UNC13C: variants seen among roughly 807,000 people sequenced by gnomAD.
The protein encoded by UNC13C is unc-13 homolog C, also known as protein unc-13 homolog C.
In UNC13C, 174 loss-of-function variants were observed where a neutral mutation model predicts 245.4. That is an observed-to-expected ratio of 0.71 (90% CI 0.63 to 0.80). The LOEUF (loss-of-function observed/expected upper bound fraction) is 0.80, where lower values mean the gene tolerates loss of function less well. Ranked by LOEUF, UNC13C falls within the 30% of genes least tolerant of loss-of-function variation. The pLI is 0.00. For missense variants in UNC13C, 2,829 were observed against 2,602.9 expected, an observed-to-expected ratio of 1.09 and a Z score of -1.89; for synonymous variants, 992 against 895.1, an observed-to-expected ratio of 1.11 and a Z score of -1.93.
chr15:54,435,248 A>T (rs1054604369), intron 19 of UNC13C, among the ~76,000 whole-genome samples: 13 of 152,150 alleles, frequency 8.5e-5, no homozygotes, highest in Non-Finnish European at 1.6e-4. Flanking sequence ...ACAAAGGATT[A>T]TGAATCATTC....
upstream of UNC13C, chr15:53,976,917 G>A (rs1433519622): frequency 6.6e-6 from 1 of 152,150 alleles, no homozygotes; most frequent in Non-Finnish European, 1.5e-5. Flanking sequence ...GTATTGGCTA[G>A]CATGAGTTTT....
rs866122540 is a variant in UNC13C at position 54,428,662 on chromosome 15, G to A, written c.4933+13595G>A. ...CATCTAGAGAAGAATCTGTCATGTG[G>A]AAGGTAGGTACCTAACACGTGTTGC... On this transcript the variant is annotated intron_variant, in intron 19 of 32. Coordinates refer to ENST00000260323, the MANE Select transcript of UNC13C (RefSeq NM_001080534.3). Among the ~76,000 whole-genome samples, 19 of 151,660 alleles carry A rather than the reference G, an allele frequency of 1.3e-4. No homozygotes were observed. The Middle Eastern group carries it at 0.01, about 82-fold the overall frequency.
chr15:54,284,503 G>C (rs28641104), intron 10 of UNC13C, among the ~76,000 whole-genome samples: 2 of 152,168 alleles, frequency 1.3e-5, no homozygotes, highest in Non-Finnish European at 2.9e-5. Context: ...GTGTTCACCA[G>C]AGGAGTAGGG....
At chr15:54,452,360 C>G (rs1000890362) in intron 19 of UNC13C, among the ~76,000 whole-genome samples, 1 of 152,154 alleles carries the variant, frequency 6.6e-6, no homozygotes, top group Non-Finnish European at 1.5e-5. Flanking sequence ...TGGCTCAATG[C>G]TCTGGTTCCC....
intron 20 of UNC13C, among the ~76,000 whole-genome samples, chr15:54,497,175 C>G (rs1206428677): frequency 6.6e-6 from 1 of 151,724 alleles, no homozygotes; most frequent in Admixed American, 6.6e-5. Flanking sequence ...TGATGGCCAA[C>G]AAAAAAGGTA....
chr15:54,401,233 A>G (rs1293045651), intron 18 of UNC13C, among the ~76,000 whole-genome samples: 1 of 152,110 alleles, frequency 6.6e-6, no homozygotes, highest in Non-Finnish European at 1.5e-5. Flanking sequence ...GTTTCATTTC[A>G]ATTTAATAAA....
the UNC13C span, among the ~76,000 whole-genome samples, chr15:53,862,914 A>G: frequency 6.6e-6 from 1 of 152,278 alleles, no homozygotes; most frequent in East Asian, 1.9e-4. Context: ...TCCTTCTTGC[A>G]TGTAAAATAC....
chr15:54,079,542 T>G (rs1898823764), intron 2 of UNC13C, among the ~76,000 whole-genome samples: 1 of 152,076 alleles, frequency 6.6e-6, no homozygotes, highest in African/African-American at 2.4e-5. Flanking sequence ...TTAGATGTAT[T>G]CCTGGGTATT....
At chr15:54,547,307 T>A (rs1419943981) in intron 27 of UNC13C, among the ~76,000 whole-genome samples, 1 of 152,150 alleles carries the variant, frequency 6.6e-6, no homozygotes, top group Non-Finnish European at 1.5e-5. Flanking sequence ...AGAGGAGGCA[T>A]CTTTTAGTGA....
chr15:54,413,605 G>T (rs1193202273), intron 18 of UNC13C, among the ~76,000 whole-genome samples: 1 of 152,048 alleles, frequency 6.6e-6, no homozygotes. Context: ...TAAATGTAAA[G>T]CTTCTGATTT....
chr15:54,120,153 G>A (rs1233750202), intron 2 of UNC13C, among the ~76,000 whole-genome samples: 4 of 152,056 alleles, frequency 2.6e-5, no homozygotes, highest in Non-Finnish European at 4.4e-5. Flanking sequence ...GGACGAAAAC[G>A]ACACCAGGAC....
At chr15:54,299,734 C>T (rs1365444717) in intron 12 of UNC13C, among the ~76,000 whole-genome samples, 1 of 152,108 alleles carries the variant, frequency 6.6e-6, no homozygotes, top group African/African-American at 2.4e-5. Context: ...CAGGGAGTCA[C>T]CAGTGACACC....
intron 19 of UNC13C, among the ~76,000 whole-genome samples, chr15:54,481,448 G>C (rs1015188985): frequency 6.6e-6 from 1 of 152,158 alleles, no homozygotes; most frequent in African/African-American, 2.4e-5. Context: ...TACAGTGGGG[G>C]ACAGGGTGAG....
chr15:53,945,761 C>CT, the UNC13C span, among the ~76,000 whole-genome samples: 1 of 151,830 alleles, frequency 6.6e-6, no homozygotes, highest in Admixed American at 6.6e-5. Context: ...TTTTAAAATA[C>CT]TTTTTTCCTA....
At chr15:54,616,577 A>C (rs889647999) in intron 30 of UNC13C, among the ~76,000 whole-genome samples, 4 of 152,078 alleles carry the variant, frequency 2.6e-5, no homozygotes, top group Non-Finnish European at 5.9e-5. Context: ...AAAGCTTTTA[A>C]GTAAAAAAAA....
the UNC13C span, among the ~76,000 whole-genome samples, chr15:53,950,194 G>C: frequency 1.1e-3 from 175 of 152,210 alleles, 2 homozygotes; most frequent in African/African-American, 3.9e-3. Flanking sequence ...AAGATGATCA[G>C]GTATTGAAAG....
chr15:54,034,252 A>G (rs1247738051), intron 2 of UNC13C, among the ~76,000 whole-genome samples: 1 of 152,166 alleles, frequency 6.6e-6, no homozygotes, highest in African/African-American at 2.4e-5. Flanking sequence ...TGTGTCTACC[A>G]TTTACTGCTG....
At chr15:54,125,750 ATTGCT>A (rs1413817772) in intron 2 of UNC13C, among the ~76,000 whole-genome samples, 43 of 152,000 alleles carry the variant, frequency 2.8e-4, no homozygotes, top group African/African-American at 9.9e-4. Context: ...TTCATTTTTG[ATTGCT>A]TTGTCTTCTA....
chr15:54,105,998 T>C (rs960522163), intron 2 of UNC13C, among the ~76,000 whole-genome samples: 2 of 152,202 alleles, frequency 1.3e-5, no homozygotes, highest in African/African-American at 4.8e-5. Flanking sequence ...GATCACTAGG[T>C]AGATACTTTC....
Sources: gnomAD v4.1 joint callset for allele counts (sites outside exome capture counted in the v4.1 genomes callset) on GRCh38, gnomAD v4.1.1 for gene constraint, MANE v1.5 for transcripts, NCBI Gene and HGNC (gene_info 2026-07-23, HGNC 2026-07-21) for gene names.